The following LARP1B variants were observed in gnomAD, a reference collection of about 807,000 sequenced individuals.
LARP1B encodes la-related protein 1B.
A neutral mutation model predicts 114.2 loss-of-function variants in LARP1B; 76 were observed. The observed-to-expected ratio is 0.67, with a 90% CI of 0.55 to 0.81. The LOEUF is 0.81. LARP1B is among the 30% of genes least tolerant of loss of function. The probability of loss-of-function intolerance (pLI) is 0.00; values close to 1 mark genes in which losing one functional copy is unlikely to be tolerated. For missense variants in LARP1B, 1,014 were observed against 1,075.8 expected (o/e 0.94, Z 0.80); for synonymous variants, 345 against 348.0 (o/e 0.99, Z 0.10).
intron 13 of LARP1B, 56 bp from the exon 14 acceptor site, chr4:128,178,375 C>A: frequency 7.8e-7 from 1 of 1,280,614 alleles, no homozygotes; most frequent in Non-Finnish European, 1.1e-6. Context: ...TCCTTATTCT[C>A]AAAGTAAAAT....
At chr4:128,197,880 C>CTTTT (rs35888649) in intron 15 of LARP1B, among the ~76,000 whole-genome samples, 79 of 87,018 alleles carry the variant, frequency 9.1e-4, no homozygotes, top group East Asian at 1.4e-3. Flanking sequence ...ACGATTGTAG[C>CTTTT]TTTTTTTTTT....
In LARP1B at chr4:128,111,763, C is replaced by T. The variant is rs1418625177; in HGVS notation, c.989-2807C>T. On this transcript the variant is annotated intron_variant, in intron 9 of 19. Transcript: ENST00000326639. ...GCTGGAGTGCAGTGGCTCACTGCAA[C>T]CTCCGCCTCCTGGGTTCAAGTGATT... Among the ~76,000 whole-genome samples the T allele has an allele frequency of 2.6e-5, 4 of 152,010 alleles. No individual in the cohort carries two copies. The East Asian group carries it at 7.7e-4, about 29-fold the overall frequency.
At chr4:128,168,515 C>T (rs986999940) in intron 12 of LARP1B, among the ~76,000 whole-genome samples, 1 of 152,018 alleles carries the variant, frequency 6.6e-6, no homozygotes, top group Non-Finnish European at 1.5e-5. Flanking sequence ...CATATCTTCT[C>T]AGAACCTGGG....
chr4:128,072,625 C>T (rs4834227), intron 1 of LARP1B, among the ~76,000 whole-genome samples: 26,758 of 151,756 alleles, frequency 0.18, 2,859 homozygotes, highest in Middle Eastern at 0.3. Flanking sequence ...GGTGCAGTCT[C>T]GGCTCACTGC....
chr4:128,212,914 T>C (rs1473259387), downstream of LARP1B, among the ~76,000 whole-genome samples: 16 of 108,672 alleles, frequency 1.5e-4, no homozygotes, highest in African/African-American at 5.6e-4. Flanking sequence ...ATCTCTCTCT[T>C]TTTTTTTTTT....
At chr4:128,209,821 A>G in intron 19 of LARP1B, 35 bp from the exon 20 acceptor site, 1 of 1,571,698 alleles carries the variant, frequency 6.4e-7, no homozygotes, top group Non-Finnish European at 8.7e-7. Context: ...AAAAACAGTA[A>G]AATTGTCAAC....
chr4:128,122,954 A>C (rs928263688), intron 11 of LARP1B: 1 of 983,722 alleles, frequency 1.0e-6, no homozygotes, highest in Non-Finnish European at 1.2e-6. Context: ...AAAAGCCCCA[A>C]TAGTTAAATA....
At chr4:128,203,314 CCT>C (rs1464334568) in intron 17 of LARP1B, among the ~76,000 whole-genome samples, 4 of 150,118 alleles carry the variant, frequency 2.7e-5, no homozygotes, top group African/African-American at 9.8e-5. Flanking sequence ...CAAATGATTC[CCT>C]CTCTCCCTCC....
intron 11 of LARP1B, among the ~76,000 whole-genome samples, chr4:128,152,657 A>G (rs1296220110): frequency 2.0e-5 from 3 of 150,204 alleles, no homozygotes; most frequent in African/African-American, 7.3e-5. Flanking sequence ...TTTCCTCTCC[A>G]CTTCATTTTT....
intron 15 of LARP1B, among the ~76,000 whole-genome samples, chr4:128,193,680 G>GA (rs1157902255): frequency 3.3e-5 from 5 of 152,038 alleles, no homozygotes; most frequent in Non-Finnish European, 7.4e-5. Flanking sequence ...GCAATGGAGT[G>GA]ATCTTGGCTC....
chr4:128,169,030 C>T (rs1742361105), intron 12 of LARP1B, among the ~76,000 whole-genome samples: 1 of 151,932 alleles, frequency 6.6e-6, no homozygotes, highest in African/African-American at 2.4e-5. Context: ...GCTTTTGTAC[C>T]TATTGAATTT....
chr4:128,126,062 A>G (rs1420434072), intron 11 of LARP1B, among the ~76,000 whole-genome samples: 1 of 151,548 alleles, frequency 6.6e-6, no homozygotes, highest in African/African-American at 2.4e-5. Flanking sequence ...GAGATCTCGC[A>G]TGTGAGAATG....
intron 6 of LARP1B, among the ~76,000 whole-genome samples, chr4:128,219,796 A>AAAATAAATAAAT (rs368581014): frequency 8.8e-5 from 13 of 148,024 alleles, no homozygotes; most frequent in African/African-American, 2.5e-4. Context: ...AAAGTATAAT[A>AAAATAAATAAAT]AAATAAATAA....
chr4:128,142,657 C>T (rs561674987), intron 11 of LARP1B, among the ~76,000 whole-genome samples: 6 of 151,846 alleles, frequency 4.0e-5, no homozygotes, highest in East Asian at 2.0e-4. Context: ...TACAGGCATG[C>T]GCCACCACAC....
Position 128,062,014 on chromosome 4 carries a change from A to ACCGCCG in LARP1B, c.-78+620_-78+625dup, listed in dbSNP as rs1461221790. ...CTTTCGGCGGGGAGCCGCCACCGCC[A>ACCGCCG]CCGCCGCCGCCGTCGCCGTTGCCGC... On this transcript the variant is annotated intron_variant, in intron 1 of 19. Coordinates refer to ENST00000326639, the MANE Select transcript of LARP1B (RefSeq NM_018078.4). 153 of 984,348 alleles carry ACCGCCG rather than the reference A, an allele frequency of 1.6e-4. No individual in the cohort carries two copies. The African/African-American group carries it at 2.0e-3, about 13-fold the overall frequency. 61.0% of individuals were successfully genotyped at this position (984,348 alleles called of 1,614,324 possible). A position where few individuals can be genotyped will look rare whatever the true frequency, so the allele number is the denominator to read the frequency against.
At chr4:128,107,092 G>T (rs1159063069) in intron 8 of LARP1B, 47 bp from the exon 9 acceptor site, 46 of 1,501,858 alleles carry the variant, frequency 3.1e-5, no homozygotes, top group Non-Finnish European at 4.1e-5. Flanking sequence ...GTATAGCACA[G>T]ACAGTGAAAT....
At chr4:128,160,195 T>C (rs1459855727) in intron 11 of LARP1B, among the ~76,000 whole-genome samples, 1 of 152,240 alleles carries the variant, frequency 6.6e-6, no homozygotes, top group East Asian at 1.9e-4. Context: ...AAACAGGCTT[T>C]AGCCTTTGGG....
At chr4:128,141,320 G>T (rs1360661477) in intron 11 of LARP1B, among the ~76,000 whole-genome samples, 1 of 152,026 alleles carries the variant, frequency 6.6e-6, no homozygotes, top group Non-Finnish European at 1.5e-5. Context: ...GAATTTCCTG[G>T]TCCACTATCT....
chr4:128,064,730 C>T lies in LARP1B; in HGVS notation c.-78+3329C>T, dbSNP rs1761744867. Among the ~76,000 whole-genome samples the T allele has an allele frequency of 2.0e-5, 3 of 152,064 alleles. No homozygotes were observed. In the South Asian group the frequency reaches 6.2e-4, roughly 32 times the overall value. ...TCTTTGTTGATCATAAAACCAGTAT[C>T]ATAGATTTTAAAACTTCGAAGCCAT... On this transcript the variant is annotated intron_variant, in intron 1 of 19. Transcript: ENST00000326639.
Sources: gnomAD v4.1 joint callset for allele counts (sites outside exome capture counted in the v4.1 genomes callset) on GRCh38, gnomAD v4.1.1 for gene constraint, MANE v1.5 for transcripts, NCBI Gene and HGNC (gene_info 2026-07-23, HGNC 2026-07-21) for gene names.